Variants in RBFOX1 observed in about 807,000 individuals in gnomAD.
The protein encoded by RBFOX1 is RNA binding fox-1 homolog 1, also known as RNA binding protein fox-1 homolog 1.
A neutral mutation model predicts 57.7 loss-of-function variants in RBFOX1; 8 were observed. The ratio of observed to expected loss-of-function variants is 0.14; its 90% CI spans 0.08 to 0.25. The LOEUF is 0.25. Ranked by LOEUF, RBFOX1 falls within the 10% of genes least tolerant of loss-of-function variation. RBFOX1 has a pLI of 1.00. For missense variants in RBFOX1, 611 were observed against 548.5 expected, an observed-to-expected ratio of 1.11 and a Z score of -1.14; for synonymous variants, 326 against 222.4, an observed-to-expected ratio of 1.47 and a Z score of -4.15.
chr16:6,146,104 C>G lies in RBFOX1; in HGVS notation c.-127+126112C>G, dbSNP rs139456705. 4.9e-3 allele frequency among the ~76,000 whole-genome samples: 751 copies of G among 152,202 alleles called. 7 individuals carry two copies. The highest frequency in any genetic ancestry group is 0.022 in the East Asian group (112 of 5,166). On this transcript the variant is annotated intron_variant, in intron 1 of 15. Coordinates refer to ENST00000550418, the MANE Select transcript of RBFOX1 (RefSeq NM_018723.4). ...TGTTCTAACTATGGTGCTTACGTAG[C>G]CTGAAGCACCTTTCTGACCCTTTAT...
intron 4 of RBFOX1, among the ~76,000 whole-genome samples, chr16:7,425,865 C>T (rs982802208): frequency 1.3e-5 from 2 of 152,150 alleles, no homozygotes; most frequent in Admixed American, 1.3e-4. Context: ...TTTACATGAG[C>T]ATTATACAAA....
chr16:5,578,692 T>C (rs926952995), intron 2 of RBFOX1, among the ~76,000 whole-genome samples: 3 of 151,964 alleles, frequency 2.0e-5, no homozygotes, highest in African/African-American at 7.3e-5. Context: ...ATGAAACTCA[T>C]CCTCAGGAAC....
At chr16:5,863,641 G>A (rs918208981) in intron 3 of RBFOX1, among the ~76,000 whole-genome samples, 2 of 152,184 alleles carry the variant, frequency 1.3e-5, no homozygotes, top group African/African-American at 4.8e-5. Flanking sequence ...TGAATGCAGC[G>A]TAGAGAGGGT....
rs899487139 is a variant in RBFOX1, at chr16:7,579,807, C to A, written c.301C>A (p.Gln101Lys). 3.7e-5 allele frequency: 59 copies of A among 1,614,088 alleles called. No individual in the cohort carries two copies. The highest frequency in any genetic ancestry group is 4.9e-5 in the Non-Finnish European group (58 of 1,179,984). Residue 101 changes from glutamine to lysine, a missense_variant, in exon 6 of 16, where the codon CAG becomes AAG. By Grantham distance (53) the Gln-to-Lys change is moderately conservative (BLOSUM62 1). Around this residue, in one of 3 missense-constraint regions of RBFOX1, gnomAD observed 245 missense variants for 159.1 expected, o/e 1.54. Coordinates refer to ENST00000550418, the MANE Select transcript of RBFOX1 (RefSeq NM_018723.4). ...AGATGACGCAGCACCGACGGATGGC[C>A]AGCCCCAGACACAACCTTCTGAAAA... The part of the protein sequence containing the change: ...QTDDAAPTDG[Q>K]PQTQPSENTE...
intron 4 of RBFOX1, among the ~76,000 whole-genome samples, chr16:5,952,937 G>A (rs185117542): frequency 7.2e-5 from 11 of 152,222 alleles, no homozygotes; most frequent in African/African-American, 1.7e-4. Context: ...TATTTAATTT[G>A]CTTTGGTTTT....
chr16:5,509,554 G>T (rs2043504778), intron 2 of RBFOX1, among the ~76,000 whole-genome samples: 2 of 152,220 alleles, frequency 1.3e-5, no homozygotes. Context: ...GGCCCAGAGG[G>T]TGTAGGTGTT....
rs368306014 is a variant in RBFOX1, at chr16:5,488,602, T to C, written c.258+21348T>C. ...GTGATGATTGAAGATGATGGTGTGGTGGGGCGTGATGGTGATGATAATGGA... is the reference window on the plus strand; with the variant it reads ...GTGATGATTGAAGATGATGGTGTGGCGGGGCGTGATGGTGATGATAATGGA... On this transcript the variant is annotated intron_variant, in intron 2 of 2. Coordinates refer to the RBFOX1 transcript ENST00000585867. 1.3e-3 allele frequency among the ~76,000 whole-genome samples: 13 copies of C among 9,912 alleles called. 1 individual carries two copies. The highest frequency in any genetic ancestry group is 2.7e-3 in the African/African-American group (10 of 3,714). The allele number at this position is 9,912 out of a possible 152,430, so 6.5% of individuals were successfully genotyped here.
intron 5 of RBFOX1, among the ~76,000 whole-genome samples, chr16:7,534,149 C>T (rs985569707): frequency 3.4e-5 from 5 of 147,774 alleles, no homozygotes; most frequent in Admixed American, 6.9e-5. Context: ...TGCAGTGGCT[C>T]GATCTCGGCT....
At chr16:5,547,046 T>G (rs1396012901) in intron 2 of RBFOX1, among the ~76,000 whole-genome samples, 1 of 152,184 alleles carries the variant, frequency 6.6e-6, no homozygotes, top group Non-Finnish European at 1.5e-5. Flanking sequence ...AAGACCACAA[T>G]GAGATACCAT....
chr16:6,291,699 A>G (rs1318273795), intron 1 of RBFOX1, among the ~76,000 whole-genome samples: 1 of 152,230 alleles, frequency 6.6e-6, no homozygotes, highest in Non-Finnish European at 1.5e-5. Context: ...AGACAGACAA[A>G]GGCATAAATA....
At chr16:7,480,764 A>G (rs2031495950) in intron 4 of RBFOX1, among the ~76,000 whole-genome samples, 1 of 152,132 alleles carries the variant, frequency 6.6e-6, no homozygotes. Context: ...GTGGGAAGCC[A>G]TTTGTGAGAA....
At chr16:5,554,070 A>G (rs568403663) in intron 2 of RBFOX1, among the ~76,000 whole-genome samples, 16 of 151,664 alleles carry the variant, frequency 1.1e-4, no homozygotes, top group African/African-American at 3.9e-4. Context: ...CCTGGGTTCA[A>G]GTGATTCTCC....
intron 3 of RBFOX1, among the ~76,000 whole-genome samples, chr16:5,651,295 C>T (rs558383061): frequency 1.3e-5 from 2 of 152,120 alleles, no homozygotes; most frequent in African/African-American, 4.8e-5. Flanking sequence ...TCACGTGACC[C>T]ACCTGCCTTG....
chr16:7,087,608 G>T (rs1196894790), intron 4 of RBFOX1, among the ~76,000 whole-genome samples: 2 of 152,016 alleles, frequency 1.3e-5, no homozygotes, highest in Non-Finnish European at 2.9e-5. Context: ...GAGGGAGAGA[G>T]AGAGAGGCAG....
intron 3 of RBFOX1, among the ~76,000 whole-genome samples, chr16:5,714,909 GC>G (rs1332370597): frequency 1.3e-5 from 2 of 152,292 alleles, no homozygotes; most frequent in African/African-American, 4.8e-5. Context: ...AAACACAGAG[GC>G]AAGCATAGAG....
chr16:5,287,871 G>A (rs2063436497), intron 1 of RBFOX1, among the ~76,000 whole-genome samples: 2 of 152,236 alleles, frequency 1.3e-5, no homozygotes, highest in Non-Finnish European at 2.9e-5. Context: ...AAATGGCAGA[G>A]TCTTGGATGC....
chr16:5,671,569 G>A (rs1219487353), intron 3 of RBFOX1, among the ~76,000 whole-genome samples: 1 of 152,174 alleles, frequency 6.6e-6, no homozygotes, highest in Non-Finnish European at 1.5e-5. Flanking sequence ...ATTCAAAACT[G>A]CCAAGTTTCT....
chr16:6,997,541 G>A (rs113523743), intron 3 of RBFOX1, among the ~76,000 whole-genome samples: 3 of 152,236 alleles, frequency 2.0e-5, no homozygotes, highest in East Asian at 1.9e-4. Context: ...ATTTCCCACA[G>A]AGTTTAATGT....
At chr16:5,617,899 C>G (rs1239672033) in intron 3 of RBFOX1, among the ~76,000 whole-genome samples, 3 of 152,186 alleles carry the variant, frequency 2.0e-5, no homozygotes, top group Non-Finnish European at 4.4e-5. Flanking sequence ...AAAGGTAACA[C>G]TCTTACCTGG....
Sources: gnomAD v4.1 joint callset for allele counts (sites outside exome capture counted in the v4.1 genomes callset) on GRCh38, gnomAD v4.1.1 for gene constraint, gnomAD v4.1.1 regional missense constraint, MANE v1.5 for transcripts, NCBI Gene and HGNC (gene_info 2026-07-23, HGNC 2026-07-21) for gene names.